Variants in IGFL4 observed in about 807,000 individuals in gnomAD.
IGFL4 encodes insulin growth factor-like family member 4.
In IGFL4, 12 loss-of-function variants were observed where a neutral mutation model predicts 15.4. That is an observed-to-expected ratio of 0.78 (90% CI 0.50 to 1.26). The LOEUF (loss-of-function observed/expected upper bound fraction) is 1.26, where lower values mean the gene tolerates loss of function less well. Ranked by LOEUF, IGFL4 falls within the 50% of genes most tolerant of loss-of-function variation. The probability of loss-of-function intolerance (pLI) is 0.00; values close to 1 mark genes in which losing one functional copy is unlikely to be tolerated. For missense variants in IGFL4, 126 were observed against 147.8 expected, an observed-to-expected ratio of 0.85 and a Z score of 0.76; for synonymous variants, 54 against 55.9, an observed-to-expected ratio of 0.97 and a Z score of 0.16.
intron 2 of IGFL4, among the ~76,000 whole-genome samples, chr19:46,054,096 G>A (rs1475643337): frequency 6.6e-6 from 1 of 152,046 alleles, no homozygotes; most frequent in East Asian, 1.9e-4. Context: ...TTGTTGTGCA[G>A]AGCTTTTTAT....
chr19:46,067,508 A>C (rs1969506431), intron 1 of IGFL4, among the ~76,000 whole-genome samples: 1 of 152,172 alleles, frequency 6.6e-6, no homozygotes, highest in African/African-American at 2.4e-5. Context: ...AGTAATGCTG[A>C]GCTTTAGCCA....
intron 1 of IGFL4, among the ~76,000 whole-genome samples, chr19:46,060,697 TTA>T (rs1274717831): frequency 6.6e-6 from 1 of 152,182 alleles, no homozygotes; most frequent in Admixed American, 6.5e-5. Context: ...GTACACTAAG[TTA>T]TATTAGAATA....
chr19:46,063,066 C>A (rs897268870), intron 1 of IGFL4: 1 of 152,126 alleles, frequency 6.6e-6, no homozygotes, highest in Non-Finnish European at 1.5e-5. Context: ...TTCTAATCTG[C>A]CTAAGATGGG....
intron 1 of IGFL4, among the ~76,000 whole-genome samples, chr19:46,076,146 C>T (rs1054391562): frequency 2.6e-5 from 4 of 152,208 alleles, no homozygotes; most frequent in Non-Finnish European, 2.9e-5. Context: ...TCCTCCAGCA[C>T]TTTTATATGG....
chr19:46,042,253 T>C (rs1236766550), upstream of IGFL4, among the ~76,000 whole-genome samples: 1 of 152,228 alleles, frequency 6.6e-6, no homozygotes, highest in Non-Finnish European at 1.5e-5. Flanking sequence ...TGTCTGTTTG[T>C]CTGCTTATCA....
chr19:46,052,173 C>G (rs995904890), intron 2 of IGFL4, among the ~76,000 whole-genome samples: 3 of 152,144 alleles, frequency 2.0e-5, no homozygotes, highest in African/African-American at 7.2e-5. Context: ...GCAACGACTG[C>G]AGGGTATACA....
At chr19:46,056,500 G>A (rs1373561512) in intron 2 of IGFL4, among the ~76,000 whole-genome samples, 1 of 152,132 alleles carries the variant, frequency 6.6e-6, no homozygotes, top group African/African-American at 2.4e-5. Flanking sequence ...TCCTCCACTC[G>A]CTCCCTATGT....
At chr19:46,045,746 A>G (rs958931695), upstream of IGFL4, among the ~76,000 whole-genome samples, 1 of 152,140 alleles carries the variant, frequency 6.6e-6, no homozygotes, top group African/African-American at 2.4e-5. Context: ...AGAACTGAAC[A>G]AAACCTCTGA....
At chr19:46,065,350 T>A (rs1209759674) in intron 1 of IGFL4, among the ~76,000 whole-genome samples, 1 of 151,958 alleles carries the variant, frequency 6.6e-6, no homozygotes, top group Non-Finnish European at 1.5e-5. Context: ...TGAGAGGGAG[T>A]CTCGCTCTGT....
At chr19:46,041,735 G>GAAACCACTTTCAC (rs1460706056), upstream of IGFL4, among the ~76,000 whole-genome samples, 2 of 152,046 alleles carry the variant, frequency 1.3e-5, no homozygotes, top group African/African-American at 4.8e-5. Context: ...AGTGAGAAGG[G>GAAACCACTTTCAC]TGGGAGGGTG....
intron 1 of IGFL4, among the ~76,000 whole-genome samples, chr19:46,073,581 A>T (rs1479088462): frequency 6.6e-6 from 1 of 152,258 alleles, no homozygotes; most frequent in East Asian, 1.9e-4. Context: ...ACCACACCCT[A>T]TGTGGCCCAG....
At chr19:46,042,204 C>T (rs1041662290), upstream of IGFL4, among the ~76,000 whole-genome samples, 5 of 152,116 alleles carry the variant, frequency 3.3e-5, no homozygotes, top group Middle Eastern at 3.2e-3. Context: ...TAAACTAGCT[C>T]TCCTCGCCTA....
chr19:46,066,779 C>A (rs1382994839), intron 1 of IGFL4, among the ~76,000 whole-genome samples: 1 of 152,184 alleles, frequency 6.6e-6, no homozygotes, highest in East Asian at 1.9e-4. Context: ...TCCCCATGAC[C>A]CAAACACCTC....
upstream of IGFL4, among the ~76,000 whole-genome samples, chr19:46,043,105 C>A (rs2146510160): frequency 6.6e-6 from 1 of 152,228 alleles, no homozygotes; most frequent in Non-Finnish European, 1.5e-5. Flanking sequence ...TTGTAGAATA[C>A]AAAGTCAACA....
upstream of IGFL4, among the ~76,000 whole-genome samples, chr19:46,044,337 C>T (rs996304858): frequency 3.3e-5 from 5 of 152,164 alleles, no homozygotes; most frequent in Non-Finnish European, 7.4e-5. Flanking sequence ...GGAGGACATC[C>T]CTCCATACAT....
chr19:46,061,954 A>G (rs1969449322), intron 1 of IGFL4, among the ~76,000 whole-genome samples: 1 of 152,204 alleles, frequency 6.6e-6, no homozygotes, highest in Non-Finnish European at 1.5e-5. Flanking sequence ...CCCCCAAATC[A>G]AAACCATCAC....
intron 1 of IGFL4, among the ~76,000 whole-genome samples, chr19:46,069,583 C>A (rs990814744): frequency 6.6e-6 from 1 of 152,110 alleles, no homozygotes; most frequent in Non-Finnish European, 1.5e-5. Context: ...TATCATACAT[C>A]CCCCCCTTGA....
Position 46,039,799 on chromosome 19 carries a change from G to T in IGFL4, c.*93C>A. 2 of 1,140,622 alleles carry T rather than the reference G, an allele frequency of 1.8e-6. No homozygotes were observed. Among genetic ancestry groups the T allele is most frequent in the Non-Finnish European group, 2.7e-6 (2 of 750,314 alleles). 70.7% of individuals were successfully genotyped at this position (1,140,622 alleles called of 1,614,324 possible). Reference sequence around the variant, plus strand: ...TGCACTCCAGCCTGGGGGACAGAGTGAAACTCTGTCACAACAACAACAAAA... The same window carrying T: ...TGCACTCCAGCCTGGGGGACAGAGTTAAACTCTGTCACAACAACAACAAAA... On this transcript the variant is annotated 3_prime_UTR_variant, in exon 4 of 4. Coordinates refer to ENST00000377697, the MANE Select transcript of IGFL4 (RefSeq NM_001002923.3).
chr19:46,040,084 G>A lies in IGFL4; in HGVS notation c.330+73C>T. On this transcript the variant is annotated intron_variant, in intron 3 of 3. Transcript: ENST00000377697. This position sits in a 1 kb window ranked among gnomAD's most constrained non-coding sequence, Gnocchi z 4.1. ...GAACCCAGCAGAGACTGCACATCTGGGTGGGACATGGACAACCAAGCTCCA... is the reference window on the plus strand; with the variant it reads ...GAACCCAGCAGAGACTGCACATCTGAGTGGGACATGGACAACCAAGCTCCA... 1 of 1,575,898 alleles carries A rather than the reference G, an allele frequency of 6.3e-7. No homozygotes were observed. Among genetic ancestry groups the A allele is most frequent in the Non-Finnish European group, 8.7e-7 (1 of 1,147,936 alleles).
Sources: allele counts gnomAD v4.1 joint callset (sites outside exome capture counted in the v4.1 genomes callset), GRCh38; gene constraint gnomAD v4.1.1; non-coding constraint Gnocchi (gnomAD v3.1); transcripts MANE v1.5; gene names NCBI Gene and HGNC (gene_info 2026-07-23, HGNC 2026-07-21).